Variants in SEPTIN7 observed in about 807,000 individuals in gnomAD.
The protein encoded by SEPTIN7 is septin 7.
Under a neutral mutation model 63.3 loss-of-function variants are expected in SEPTIN7, and 10 were observed. That is an observed-to-expected ratio of 0.16 (90% CI 0.10 to 0.27). The LOEUF (loss-of-function observed/expected upper bound fraction) is 0.27. Ranked by LOEUF, SEPTIN7 falls within the 10% of genes least tolerant of loss-of-function variation. The pLI, the probability that SEPTIN7 is intolerant of heterozygous loss-of-function variation, is 1.00. For synonymous variants in SEPTIN7, 131 were observed against 165.3 expected, an observed-to-expected ratio of 0.79 and a Z score of 1.59; for missense variants, 310 against 521.0, an observed-to-expected ratio of 0.59 and a Z score of 3.94.
intron 1 of SEPTIN7, among the ~76,000 whole-genome samples, chr7:35,829,449 C>T (rs35999781): frequency 8.5e-5 from 13 of 152,262 alleles, no homozygotes; most frequent in Non-Finnish European, 1.8e-4. Flanking sequence ...GGGCCTACCC[C>T]TTTGCCTGGA....
intron 12 of SEPTIN7, 50 bp from the exon 13 acceptor site, chr7:35,903,026 G>A (rs1788415381): frequency 1.3e-6 from 2 of 1,510,250 alleles, no homozygotes; most frequent in South Asian, 1.3e-5. Context: ...ACATACCTCT[G>A]CTTCTGATTT....
intron 4 of SEPTIN7, among the ~76,000 whole-genome samples, chr7:35,864,413 T>G (rs751186432): frequency 1.3e-4 from 20 of 152,122 alleles, no homozygotes; most frequent in Non-Finnish European, 2.9e-4. Flanking sequence ...AGGGGCTAGA[T>G]TCTAGATATG....
At chr7:35,833,017 G>T in intron 3 of SEPTIN7, 117 bp downstream of exon 3, 1 of 645,110 alleles carries the variant, frequency 1.6e-6, no homozygotes, top group Non-Finnish European at 2.8e-6. Context: ...TATCTTTGTT[G>T]TATTTTCTCT....
intron 7 of SEPTIN7, among the ~76,000 whole-genome samples, chr7:35,881,880 CT>C (rs1786900650): frequency 6.6e-6 from 1 of 151,924 alleles, no homozygotes; most frequent in Non-Finnish European, 1.5e-5. Flanking sequence ...CTGCATTCTC[CT>C]TATTAATTCT....
rs1387731509 is a variant in SEPTIN7, at chr7:35,903,162, G to A, written c.1221G>A (p.Glu407=). The A allele has an allele frequency of 3.1e-6, 5 of 1,602,210 alleles. No homozygotes were observed. The highest frequency in any genetic ancestry group is 1.6e-4 in the Middle Eastern group (1 of 6,068). Residue 407 remains glutamate (E), a synonymous_variant, in exon 13 of 14, where the codon GAG becomes GAA. Transcript: ENST00000350320. ...LEEKRRQFED[E]KANWEAQQRI... is the part of the protein sequence containing the mutation. ...AAAAACGTCGTCAGTTCGAGGATGA[G>A]AAAGCAAACTGGGAAGCTCAACAAC...
At chr7:35,855,904 C>G (rs1785180644) in intron 3 of SEPTIN7, among the ~76,000 whole-genome samples, 1 of 152,126 alleles carries the variant, frequency 6.6e-6, no homozygotes, top group East Asian at 1.9e-4. Flanking sequence ...TTATCCATAT[C>G]CAAAAGACCT....
At chr7:35,832,328 G>A (rs1483438942) in intron 2 of SEPTIN7, among the ~76,000 whole-genome samples, 2 of 151,996 alleles carry the variant, frequency 1.3e-5, no homozygotes, top group South Asian at 4.1e-4. Flanking sequence ...TCAACATTTT[G>A]ATTTCATTTC....
At chr7:35,871,670 A>G (rs1786159182) in intron 4 of SEPTIN7, among the ~76,000 whole-genome samples, 2 of 152,226 alleles carry the variant, frequency 1.3e-5, no homozygotes, top group Non-Finnish European at 2.9e-5. Context: ...GCCAAAAGGA[A>G]GTAGGCTATC....
At chr7:35,830,280 G>A (rs1468115523) in intron 1 of SEPTIN7, among the ~76,000 whole-genome samples, 2 of 152,180 alleles carry the variant, frequency 1.3e-5, no homozygotes, top group African/African-American at 4.8e-5. Context: ...TAGGGATTCA[G>A]TGTTGGGGAA....
At position 35,906,693 on chromosome 7, in the gene SEPTIN7, A is replaced by G. The variant is rs1788621083; in HGVS notation, c.*2400A>G. The stretch of plus-strand genomic sequence containing the variant: ...GTTCACAAGCAAGTTAAGTGGGCAC[A>G]GTTTATTTCTGTGTAGCTCAGGCTG... On this transcript the variant is annotated 3_prime_UTR_variant, in exon 14 of 14. Coordinates refer to ENST00000350320, the MANE Select transcript of SEPTIN7 (RefSeq NM_001788.6). 6.6e-6 allele frequency: 1 copy of G among 152,242 alleles called. No individual in the cohort carries two copies. The highest frequency in any genetic ancestry group is 1.5e-5 in the Non-Finnish European group (1 of 68,052). 9.4% of individuals were successfully genotyped at this position (152,242 alleles called of 1,614,324 possible). A position where few individuals can be genotyped will look rare whatever the true frequency, so the allele number is the denominator to read the frequency against.
chr7:35,915,130 TACATGC>T, the SEPTIN7 span, among the ~76,000 whole-genome samples: 16 of 133,332 alleles, frequency 1.2e-4, no homozygotes, highest in African/African-American at 1.9e-4. Flanking sequence ...TGTGTATATA[TACATGC>T]ATATACACAT....
chr7:35,868,323 T>G (rs1157499336), intron 4 of SEPTIN7, among the ~76,000 whole-genome samples: 1 of 152,224 alleles, frequency 6.6e-6, no homozygotes, highest in Non-Finnish European at 1.5e-5. Flanking sequence ...GAGAGTCTCC[T>G]GTTGACAGCT....
chr7:35,855,344 G>T (rs1354220273), intron 3 of SEPTIN7, among the ~76,000 whole-genome samples: 1 of 152,124 alleles, frequency 6.6e-6, no homozygotes, highest in African/African-American at 2.4e-5. Context: ...CAGTGCTTAG[G>T]TTCCTTGGAT....
In SEPTIN7 at chr7:35,905,223, C is replaced by T. The variant is rs975349978; in HGVS notation, c.*930C>T. 2.0e-5 allele frequency: 3 copies of T among 152,542 alleles called. No homozygotes were observed. Among genetic ancestry groups the T allele is most frequent in the South Asian group, 2.1e-4 (1 of 4,830 alleles). The allele number at this position is 152,542 out of a possible 1,614,324, so 9.4% of individuals were successfully genotyped here. A position where few individuals can be genotyped will look rare whatever the true frequency, so the allele number is the denominator to read the frequency against. On this transcript the variant is annotated 3_prime_UTR_variant, in exon 14 of 14. Coordinates refer to ENST00000350320, the MANE Select transcript of SEPTIN7 (RefSeq NM_001788.6). ...TGAAGAGAAAAAAGTCACCATTCTG[C>T]ATTTAGCTGTATTCATATATTGCAT...
intron 11 of SEPTIN7, among the ~76,000 whole-genome samples, chr7:35,896,022 G>A (rs1308620231): frequency 2.0e-5 from 3 of 152,088 alleles, no homozygotes; most frequent in East Asian, 1.9e-4. Flanking sequence ...TGTTGGCCAC[G>A]CTGGTTTCAA....
rs928994408 is a variant in SEPTIN7, at chr7:35,898,398, A to G, written c.1134+15A>G. On this transcript the variant is annotated intron_variant, in intron 12 of 13. Transcript: ENST00000350320. Reference sequence around the variant, plus strand: ...CTGAAGCTGAGGTAATCAGTCTAATATCCCATCTCTTAGCAGACATTGTGT... The same window carrying G: ...CTGAAGCTGAGGTAATCAGTCTAATGTCCCATCTCTTAGCAGACATTGTGT... The G allele has an allele frequency of 2.9e-5, 44 of 1,503,850 alleles. No individual in the cohort carries two copies. Among genetic ancestry groups the G allele is most frequent in the Non-Finnish European group, 4.0e-5 (44 of 1,108,896 alleles). The allele number at this position is 1,503,850 out of a possible 1,614,324, so 93.2% of individuals were successfully genotyped here.
intron 1 of SEPTIN7, among the ~76,000 whole-genome samples, chr7:35,813,676 A>G (rs1378796725): frequency 3.3e-5 from 5 of 152,088 alleles, no homozygotes; most frequent in African/African-American, 7.2e-5. Flanking sequence ...CACTCGGCCA[A>G]TATTAGTATT....
intron 3 of SEPTIN7, among the ~76,000 whole-genome samples, chr7:35,856,604 A>G (rs1002543149): frequency 5.3e-5 from 8 of 152,218 alleles, no homozygotes; most frequent in African/African-American, 1.9e-4. Flanking sequence ...ATGGAACCAG[A>G]AAAAGCAGAC....
intron 4 of SEPTIN7, among the ~76,000 whole-genome samples, chr7:35,870,529 G>T (rs1169180147): frequency 6.6e-6 from 1 of 152,100 alleles, no homozygotes; most frequent in African/African-American, 2.4e-5. Flanking sequence ...GATTACTTTG[G>T]ATATTTCTGC....
Sources: allele counts gnomAD v4.1 joint callset (sites outside exome capture counted in the v4.1 genomes callset), GRCh38; gene constraint gnomAD v4.1.1; transcripts MANE v1.5; gene names NCBI Gene and HGNC (gene_info 2026-07-23, HGNC 2026-07-21).